MAP4K5: variants seen among roughly 807,000 people sequenced by gnomAD.
MAP4K5 encodes the protein MAPK/ERK kinase kinase kinase 5.
In MAP4K5, 82 loss-of-function variants were observed where a neutral mutation model predicts 135.6. The observed-to-expected ratio is 0.60, with a 90% CI of 0.51 to 0.73. The LOEUF is 0.73. Ranked by LOEUF, MAP4K5 falls within the 30% of genes least tolerant of loss-of-function variation. The pLI, the probability that MAP4K5 is intolerant of heterozygous loss-of-function variation, is 0.00. For missense variants in MAP4K5, 907 were observed against 1,010.9 expected (o/e 0.90, Z 1.39); for synonymous variants, 347 against 335.0 (o/e 1.04, Z -0.39).
chr14:50,468,608 T>C (rs749605789), intron 10 of MAP4K5, 43 bp downstream of exon 10: 78 of 1,594,970 alleles, frequency 4.9e-5, no homozygotes, highest in Admixed American at 3.5e-4. Context: ...ACTTTCCCCA[T>C]AGACTTGATC....
At chr14:50,512,606 A>G (rs549308777) in intron 2 of MAP4K5, among the ~76,000 whole-genome samples, 1 of 152,302 alleles carries the variant, frequency 6.6e-6, no homozygotes, top group South Asian at 2.1e-4. Flanking sequence ...ACCGATGGGC[A>G]AATGTTTGTG....
At chr14:50,484,086 C>T (rs2037312555) in intron 5 of MAP4K5, among the ~76,000 whole-genome samples, 2 of 152,074 alleles carry the variant, frequency 1.3e-5, no homozygotes, top group Non-Finnish European at 2.9e-5. Context: ...GTCTCAAACT[C>T]CCGACCTTGG....
intron 16 of MAP4K5, among the ~76,000 whole-genome samples, chr14:50,446,388 A>ATT (rs1363036956): frequency 6.6e-6 from 1 of 152,202 alleles, no homozygotes; most frequent in African/African-American, 2.4e-5. Flanking sequence ...TGTAATAAAA[A>ATT]CTAAGTTAAC....
chr14:50,490,142 T>C lies in MAP4K5; in HGVS notation c.167-3948A>G, dbSNP rs1267972354. Among the ~76,000 whole-genome samples the C allele has an allele frequency of 1.4e-5, 2 of 142,890 alleles. 1 individual carries two copies. The highest frequency in any genetic ancestry group is 1.4e-4 in the Admixed American group (2 of 14,236). 93.7% of individuals were successfully genotyped at this position (142,890 alleles called of 152,430 possible). On this transcript the variant is annotated intron_variant, in intron 3 of 32. Coordinates refer to ENST00000682126, the MANE Select transcript of MAP4K5 (RefSeq NM_006575.6). Reference sequence around the variant, plus strand: ...GAGAGCGAGTGAGAGTGTGTGTGTGTGTGTGTGTGTGTGTGTGTAAGGGAA... The same window carrying C: ...GAGAGCGAGTGAGAGTGTGTGTGTGCGTGTGTGTGTGTGTGTGTAAGGGAA...
At chr14:50,505,454 G>T (rs2037790522) in intron 2 of MAP4K5, among the ~76,000 whole-genome samples, 1 of 151,990 alleles carries the variant, frequency 6.6e-6, no homozygotes, top group Non-Finnish European at 1.5e-5. Context: ...ATAAAAATAG[G>T]GATACATATA....
intron 14 of MAP4K5, chr14:50,450,193 CA>C (rs1375995314): frequency 6.6e-6 from 1 of 152,122 alleles, no homozygotes; most frequent in Non-Finnish European, 1.5e-5. Flanking sequence ...GTGATCTGCC[CA>C]CCTAAGCCTC....
chr14:50,476,897 AC>A (rs755339811), intron 6 of MAP4K5, among the ~76,000 whole-genome samples: 88 of 152,156 alleles, frequency 5.8e-4, no homozygotes, highest in Non-Finnish European at 1.1e-3. Flanking sequence ...CTTCCCCACA[AC>A]CCTCACAAAC....
intron 17 of MAP4K5, 38 bp from the exon 18 acceptor site, chr14:50,445,232 T>C (rs1418733272): frequency 2.5e-6 from 4 of 1,589,428 alleles, no homozygotes; most frequent in Non-Finnish European, 3.4e-6. Context: ...TTAACAGTTA[T>C]CATTAGGCAT....
chr14:50,449,753 T>C (rs1349658177), intron 14 of MAP4K5: 5 of 152,178 alleles, frequency 3.3e-5, no homozygotes, highest in Non-Finnish European at 7.3e-5. Flanking sequence ...TCCTGGGACA[T>C]TAATGACTTA....
At chr14:50,534,052 C>T (rs17718872), upstream of MAP4K5, among the ~76,000 whole-genome samples, 15,792 of 152,154 alleles carry the variant, frequency 0.1, 1,173 homozygotes, top group South Asian at 0.28. Context: ...CTTTTGGCTT[C>T]GATGACTCAA....
In MAP4K5 at chr14:50,443,941, G is replaced by C; in HGVS notation, c.1435C>G (p.Pro479Ala). The C allele has an allele frequency of 6.2e-7, 1 of 1,602,588 alleles. No individual in the cohort carries two copies. The highest frequency in any genetic ancestry group is 2.2e-5 in the East Asian group (1 of 44,628). Reference protein sequence around the residue: ...LPRKKDKRDFPKPAINGLPPT... With the variant: ...LPRKKDKRDFAKPAINGLPPT... ...TGCTAAATGCCTGTTATACCTACAG[G>C]GAAGTCTCGTTTGTCCTTTTTTCGT... The change falls in exon 19 of 33, where the codon CCT becomes GCT. Residue 479 changes from proline to alanine, a missense_variant and splice_region_variant. Transcript: ENST00000682126.
In MAP4K5 at chr14:50,419,146, G is replaced by C. The variant is rs945332773; in HGVS notation, c.*873C>G. The C allele has an allele frequency of 1.3e-5, 2 of 151,948 alleles. No homozygotes were observed. The highest frequency in any genetic ancestry group is 4.8e-5 in the African/African-American group (2 of 41,358). The allele number at this position is 151,948 out of a possible 1,614,324, so 9.4% of individuals were successfully genotyped here. A position where few individuals can be genotyped will look rare whatever the true frequency, so the allele number is the denominator to read the frequency against. On this transcript the variant is annotated 3_prime_UTR_variant, in exon 33 of 33. Transcript: ENST00000682126. Reference sequence around the variant, plus strand: ...CATTAGGGATGATAATATATATGAAGATTAATTCCTTATGCATTATCCCTA... The same window carrying C: ...CATTAGGGATGATAATATATATGAACATTAATTCCTTATGCATTATCCCTA...
At chr14:50,429,946 G>A (rs926208741) in intron 28 of MAP4K5, among the ~76,000 whole-genome samples, 5 of 151,878 alleles carry the variant, frequency 3.3e-5, no homozygotes, top group Non-Finnish European at 5.9e-5. Context: ...CACTCAGATT[G>A]TTTCAATGGT....
chr14:50,424,579 G>A (rs1036386097), intron 31 of MAP4K5, among the ~76,000 whole-genome samples: 2 of 151,808 alleles, frequency 1.3e-5, no homozygotes, highest in Admixed American at 6.6e-5. Context: ...GTGTGTTGGT[G>A]CATGCCTGTA....
chr14:50,456,542 G>GC lies in MAP4K5; in HGVS notation c.988dup (p.Ala330GlyfsTer2). ...ATTTATTTCTGAAGCTGTCCGTTCA[G>GC]CTCTGGCATTCCTGTTTGTAGATCT... On this transcript the variant is annotated frameshift_variant, in exon 14 of 33. Transcript: ENST00000682126. LOFTEE classifies it high-confidence loss of function. The GC allele has an allele frequency of 1.3e-6, 2 of 1,579,954 alleles. No individual in the cohort carries two copies. The highest frequency in any genetic ancestry group is 1.7e-6 in the Non-Finnish European group (2 of 1,161,570).
At chr14:50,504,641 A>T (rs1396041292) in intron 3 of MAP4K5, among the ~76,000 whole-genome samples, 159 bp downstream of exon 3, 1 of 152,142 alleles carries the variant, frequency 6.6e-6, no homozygotes, top group Non-Finnish European at 1.5e-5. Context: ...CAAAACTGTC[A>T]CATCAAACTT....
At chr14:50,544,242 G>T (rs761462293) in intron 1 of MAP4K5, among the ~76,000 whole-genome samples, 1 of 152,206 alleles carries the variant, frequency 6.6e-6, no homozygotes, top group African/African-American at 2.4e-5. Context: ...TGAGTTAAGG[G>T]TTATGGGAAA....
chr14:50,438,978 A>G (rs537430660), intron 23 of MAP4K5, among the ~76,000 whole-genome samples: 11 of 152,244 alleles, frequency 7.2e-5, no homozygotes, highest in South Asian at 2.1e-4. Flanking sequence ...ACAATTCATA[A>G]TTGTCAACTC....
rs752278817 is a variant in MAP4K5 at position 50,435,049 on chromosome 14, C to T, written c.1899G>A (p.Thr633=). Residue 633 remains threonine, a synonymous_variant, in exon 27 of 33, where the codon ACG becomes ACA. Transcript: ENST00000682126. ...AAGCTCCACAGAGGTATTTATGTCC[C>T]GTGTAAGGGTTTCTGACTGGAAAGA... ...HKCCIVRNPY[T]GHKYLCGALQ... The T allele has an allele frequency of 1.5e-5, 24 of 1,603,738 alleles. No homozygotes were observed. The highest frequency in any genetic ancestry group is 2.2e-5 in the East Asian group (1 of 44,718).
Sources: gnomAD v4.1 joint callset for allele counts (sites outside exome capture counted in the v4.1 genomes callset) on GRCh38, gnomAD v4.1.1 for gene constraint, MANE v1.5 for transcripts, NCBI Gene and HGNC (gene_info 2026-07-23, HGNC 2026-07-21) for gene names.